Variants in EPHA5 observed in about 807,000 individuals in gnomAD.
The protein encoded by EPHA5 is ephrin type-A receptor 5.
EPHA5 carries 60 observed loss-of-function variants against 105.0 expected under a neutral mutation model. The ratio of observed to expected loss-of-function variants is 0.57; its 90% CI spans 0.46 to 0.71. EPHA5 has a LOEUF of 0.71. Ranked by LOEUF, EPHA5 falls within the 30% of genes least tolerant of loss-of-function variation. The pLI is 0.00. For missense variants in EPHA5, 1,218 were observed against 1,274.7 expected (o/e 0.96, Z 0.68); for synonymous variants, 513 against 449.1 (o/e 1.14, Z -1.80).
At chr4:65,603,495 A>T (rs761041091) in intron 2 of EPHA5, among the ~76,000 whole-genome samples, 1 of 152,074 alleles carries the variant, frequency 6.6e-6, no homozygotes, top group Admixed American at 6.6e-5. Flanking sequence ...CTTCATAGAC[A>T]CTCATTTCTT....
At chr4:65,479,965 A>C (rs1439333242) in intron 5 of EPHA5, among the ~76,000 whole-genome samples, 1 of 152,172 alleles carries the variant, frequency 6.6e-6, no homozygotes. Context: ...GGTACATAAG[A>C]AAATATATAA....
intron 8 of EPHA5, chr4:65,376,847 T>C (rs1056880970): frequency 1.6e-5 from 9 of 547,040 alleles, no homozygotes; most frequent in Non-Finnish European, 2.8e-5. Flanking sequence ...TTATTTGAAA[T>C]AATCCATTGT....
intron 2 of EPHA5, among the ~76,000 whole-genome samples, chr4:65,623,901 C>A (rs908431932): frequency 2.6e-5 from 4 of 152,082 alleles, no homozygotes; most frequent in Admixed American, 2.0e-4. Flanking sequence ...TGTGTTTTAA[C>A]AACACTATGG....
intron 1 of EPHA5, among the ~76,000 whole-genome samples, chr4:65,646,499 T>C (rs1346553204): frequency 6.6e-6 from 1 of 152,164 alleles, no homozygotes; most frequent in Non-Finnish European, 1.5e-5. Flanking sequence ...GCTTCTGGCA[T>C]TTAATGGGAA....
chr4:65,346,082 CTCT>C (rs1413276748), intron 14 of EPHA5, among the ~76,000 whole-genome samples: 2 of 68,920 alleles, frequency 2.9e-5, no homozygotes, highest in Non-Finnish European at 6.7e-5. Flanking sequence ...TCTTTTCTCT[CTCT>C]TTTTTTTTTT....
chr4:65,665,439 A>G (rs920641067), intron 1 of EPHA5, among the ~76,000 whole-genome samples: 1 of 152,220 alleles, frequency 6.6e-6, no homozygotes, highest in Admixed American at 6.5e-5. Context: ...ATATCATTTC[A>G]TTTTGATTTT....
intron 5 of EPHA5, among the ~76,000 whole-genome samples, chr4:65,426,099 T>C (rs1474592620): frequency 1.3e-5 from 2 of 152,164 alleles, no homozygotes; most frequent in African/African-American, 4.8e-5. Flanking sequence ...TGTGTTATTG[T>C]TCATGCTGTA....
chr4:65,581,905 ATTTAC>A (rs1741662706), intron 3 of EPHA5, among the ~76,000 whole-genome samples: 1 of 151,780 alleles, frequency 6.6e-6, no homozygotes, highest in Non-Finnish European at 1.5e-5. Flanking sequence ...TGGTAAAGTA[ATTTAC>A]TTTAACAAAG....
intron 8 of EPHA5, among the ~76,000 whole-genome samples, chr4:65,387,855 T>G (rs1041658346): frequency 6.6e-6 from 1 of 151,740 alleles, no homozygotes; most frequent in Non-Finnish European, 1.5e-5. Flanking sequence ...TTAGGGTACA[T>G]GTGCACAATG....
chr4:65,490,634 T>C lies in EPHA5; in HGVS notation c.1145A>G (p.Asp382Gly), dbSNP rs2149214048. The change falls in exon 5 of 17, where the codon GAC becomes GGC. Residue 382 changes from aspartate (D) to glycine (G), a missense_variant. Around this residue, in one of 3 missense-constraint regions of EPHA5, gnomAD observed 971 missense variants for 1,013.5 expected, o/e 0.96. Coordinates refer to ENST00000613740, the MANE Select transcript of EPHA5 (RefSeq NM_001281766.3). ...SVFLEWIPPA[D>G]TGGRKDVSYY... is the part of the protein sequence containing the mutation. Reference sequence around the variant, plus strand: ...TGACACGTCTTTCCTTCCACCAGTGTCAGCAGGCGGAATCCATTCCAGAAA... The same window carrying C: ...TGACACGTCTTTCCTTCCACCAGTGCCAGCAGGCGGAATCCATTCCAGAAA... 1 of 1,614,112 alleles carries C rather than the reference T, an allele frequency of 6.2e-7. No homozygotes were observed. The highest frequency in any genetic ancestry group is 8.5e-7 in the Non-Finnish European group (1 of 1,180,010).
intron 3 of EPHA5, among the ~76,000 whole-genome samples, chr4:65,559,324 C>T (rs952251749): frequency 2.6e-5 from 4 of 152,010 alleles, no homozygotes; most frequent in Admixed American, 2.0e-4. Context: ...ATAAATTTGA[C>T]GATCATTTCA....
At chr4:65,330,903 T>A in intron 16 of EPHA5, 1 of 1,038,760 alleles carries the variant, frequency 9.6e-7, no homozygotes, top group South Asian at 4.6e-5. Context: ...CTTTTAGTTA[T>A]CGGTATGAAG....
intron 16 of EPHA5, chr4:65,330,873 T>C: frequency 1.9e-6 from 2 of 1,035,114 alleles, no homozygotes; most frequent in Non-Finnish European, 2.3e-6. Context: ...GAAAGCAAGC[T>C]GAGTGGTTGG....
chr4:65,559,334 A>G (rs1273773645), intron 3 of EPHA5, among the ~76,000 whole-genome samples: 2 of 152,168 alleles, frequency 1.3e-5, no homozygotes, highest in African/African-American at 2.4e-5. Context: ...CGATCATTTC[A>G]AAGTAAACAC....
At chr4:65,612,400 AC>A (rs1219513886) in intron 2 of EPHA5, among the ~76,000 whole-genome samples, 4 of 152,116 alleles carry the variant, frequency 2.6e-5, no homozygotes, top group African/African-American at 9.7e-5. Flanking sequence ...TTATTTAGCT[AC>A]CACTTATAAG....
At chr4:65,438,844 AC>A (rs1163022437) in intron 5 of EPHA5, among the ~76,000 whole-genome samples, 1 of 152,152 alleles carries the variant, frequency 6.6e-6, no homozygotes, top group Admixed American at 6.6e-5. Flanking sequence ...TTAAGTTGTA[AC>A]TATAAGATAA....
intron 14 of EPHA5, among the ~76,000 whole-genome samples, chr4:65,347,285 T>A (rs994217895): frequency 6.6e-6 from 1 of 152,192 alleles, no homozygotes; most frequent in Non-Finnish European, 1.5e-5. Flanking sequence ...AAATAGTGTA[T>A]GTCTCATGAT....
intron 2 of EPHA5, among the ~76,000 whole-genome samples, chr4:65,637,203 C>T (rs1747200562): frequency 1.4e-5 from 2 of 147,028 alleles, no homozygotes; most frequent in African/African-American, 2.5e-5. Flanking sequence ...TAAAAAGAAA[C>T]CATGCCAGCA....
At chr4:65,396,133 G>A (rs757787970) in intron 8 of EPHA5, among the ~76,000 whole-genome samples, 7 of 152,250 alleles carry the variant, frequency 4.6e-5, no homozygotes, top group Admixed American at 1.3e-4. Context: ...CTGGCCTCTC[G>A]CTGCTACTGG....
Sources: allele counts gnomAD v4.1 joint callset (sites outside exome capture counted in the v4.1 genomes callset), GRCh38; gene constraint gnomAD v4.1.1; regional missense constraint gnomAD v4.1.1; transcripts MANE v1.5; gene names NCBI Gene and HGNC (gene_info 2026-07-23, HGNC 2026-07-21).